RNFT2: variants seen among roughly 807,000 people sequenced by gnomAD.
RNFT2 encodes the protein ring finger protein, transmembrane 2.
Under a neutral mutation model 53.0 loss-of-function variants are expected in RNFT2, and 36 were observed. The ratio of observed to expected loss-of-function variants is 0.68; its 90% confidence interval spans 0.52 to 0.90. The LOEUF is 0.90. Among genes scored for constraint, RNFT2 ranks in the 40% least tolerant of loss-of-function variants. The pLI is 0.00. For missense variants in RNFT2, 514 were observed against 585.6 expected, an observed-to-expected ratio of 0.88 and a Z score of 1.26; for synonymous variants, 260 against 253.2, an observed-to-expected ratio of 1.03 and a Z score of -0.26.
At chr12:116,794,672 A>AGGAAGGGAGGGAGGGAGGGAGGGGGG (rs1555262142) in intron 7 of RNFT2, among the ~76,000 whole-genome samples, 1 of 59,574 alleles carries the variant, frequency 1.7e-5, no homozygotes, top group Non-Finnish European at 2.8e-5. Flanking sequence ...GGGAGGAAGG[A>AGGAAGGGAGGGAGGGAGGGAGGGGGG]AGGGAGGGAG....
At chr12:116,777,399 G>A (rs944192981) in intron 6 of RNFT2, among the ~76,000 whole-genome samples, 2 of 152,152 alleles carry the variant, frequency 1.3e-5, no homozygotes, top group Non-Finnish European at 2.9e-5. Flanking sequence ...TCAAAGTGTT[G>A]TCTCTTCACC....
intron 7 of RNFT2, among the ~76,000 whole-genome samples, chr12:116,818,941 C>T (rs747846958): frequency 2.0e-4 from 31 of 152,182 alleles, no homozygotes; most frequent in Non-Finnish European, 3.5e-4. Flanking sequence ...GTTTGGGGTA[C>T]AGGTAAGGAG....
chr12:116,760,749 G>A (rs764319273), intron 5 of RNFT2, among the ~76,000 whole-genome samples: 149 of 152,232 alleles, frequency 9.8e-4, no homozygotes, highest in Admixed American at 2.4e-3. Flanking sequence ...GGTCCTCTCG[G>A]GATTGCTGGT....
At chr12:116,787,035 G>A (rs58367668) in intron 7 of RNFT2, among the ~76,000 whole-genome samples, 13,579 of 152,176 alleles carry the variant, frequency 0.089, 1,690 homozygotes, top group African/African-American at 0.28. Flanking sequence ...TCCCCATGCC[G>A]ATATCCTTAA....
At chr12:116,756,306 G>GTT (rs376279220) in intron 5 of RNFT2, among the ~76,000 whole-genome samples, 1 of 149,408 alleles carries the variant, frequency 6.7e-6, no homozygotes, top group African/African-American at 2.5e-5. Flanking sequence ...TATTCCTAAG[G>GTT]TTTTTTTTTG....
chr12:116,836,302 G>A lies in RNFT2; in HGVS notation c.1200+20G>A, dbSNP rs1321502123. ...TGCCAGGTGAGCAGGGCTCAGGCGG[G>A]ACCATTGGAGACCAAGGCTGGGGGA... On this transcript the variant is annotated intron_variant, in intron 10 of 10. Transcript: ENST00000257575. 6.5e-7 allele frequency: 1 copy of A among 1,543,692 alleles called. No individual in the cohort carries two copies. Among genetic ancestry groups the A allele is most frequent in the Non-Finnish European group, 8.8e-7 (1 of 1,139,258 alleles).
At chr12:116,828,993 A>G (rs796142751) in intron 7 of RNFT2, among the ~76,000 whole-genome samples, 4 of 151,450 alleles carry the variant, frequency 2.6e-5, no homozygotes, top group African/African-American at 7.3e-5. Context: ...AAAACACACA[A>G]TGTTTTAAGT....
chr12:116,748,428 A>G (rs562641355), intron 3 of RNFT2, among the ~76,000 whole-genome samples: 37 of 152,326 alleles, frequency 2.4e-4, no homozygotes, highest in African/African-American at 8.7e-4. Context: ...CAGGTCTTCC[A>G]TAGGAACTAG....
intron 7 of RNFT2, among the ~76,000 whole-genome samples, chr12:116,829,265 G>A (rs1876508159): frequency 6.6e-6 from 1 of 152,114 alleles, no homozygotes; most frequent in Non-Finnish European, 1.5e-5. Flanking sequence ...CTGTCCATTG[G>A]TCCAGCATCC....
intron 6 of RNFT2, among the ~76,000 whole-genome samples, chr12:116,778,790 C>T (rs1873555674): frequency 1.3e-5 from 2 of 152,190 alleles, no homozygotes; most frequent in African/African-American, 2.4e-5. Flanking sequence ...GTGGAGGTTG[C>T]AGTGAGCCGA....
Position 116,833,825 on chromosome 12 carries a change from C to T in RNFT2, c.916C>T (p.Gln306Ter), listed in dbSNP as rs1396215228. 1 of 1,613,046 alleles carries T rather than the reference C, an allele frequency of 6.2e-7. No individual in the cohort carries two copies. Among genetic ancestry groups the T allele is most frequent in the Non-Finnish European group, 8.5e-7 (1 of 1,179,512 alleles). ...KFYLVIEELS[Q>*]LFRSLVPIQL... The stretch of plus-strand genomic sequence containing the variant: ...CTATCTGGTCATCGAGGAGCTGAGC[C>T]AGCTGTTCCGATCCCTTGTCCCCAT... The change falls in exon 8 of 11, where the codon CAG (glutamine) becomes TAG (stop). Residue 306 changes from glutamine to a stop codon, truncating the protein, a stop_gained. Transcript: ENST00000257575. LOFTEE classifies it high-confidence loss of function.
chr12:116,747,506 A>G (rs1489007308), intron 3 of RNFT2, among the ~76,000 whole-genome samples: 10 of 152,000 alleles, frequency 6.6e-5, no homozygotes. Context: ...CAGCCTGGGC[A>G]ACAGAGTGAG....
At chr12:116,813,832 C>T (rs2137169792) in intron 7 of RNFT2, among the ~76,000 whole-genome samples, 1 of 152,322 alleles carries the variant, frequency 6.6e-6, no homozygotes, top group East Asian at 1.9e-4. Context: ...AGGTTCCATT[C>T]CCAGCTCTTT....
chr12:116,795,654 T>C (rs1444309892), intron 7 of RNFT2, among the ~76,000 whole-genome samples: 1 of 152,166 alleles, frequency 6.6e-6, no homozygotes, highest in African/African-American at 2.4e-5. Context: ...AAAACGCTGT[T>C]CTAGAATGTT....
At chr12:116,785,852 A>G (rs1268576485) in intron 7 of RNFT2, among the ~76,000 whole-genome samples, 10 of 152,110 alleles carry the variant, frequency 6.6e-5, no homozygotes, top group Non-Finnish European at 1.0e-4. Flanking sequence ...AGTTCGAGAC[A>G]AGCCTGGGCA....
At position 116,834,678 on chromosome 12, in the gene RNFT2, G is replaced by A. The variant is rs186130538; in HGVS notation, c.1032+737G>A. Among the ~76,000 whole-genome samples the A allele has an allele frequency of 5.1e-4, 77 of 152,136 alleles. 1 individual carries two copies. Among genetic ancestry groups the A allele is most frequent in the African/African-American group, 1.8e-3 (73 of 41,500 alleles). ...AATCATGTAATAGGTGCCCTTTTGTGTCTGGCACTTTCATTTAACATTGTA... is the reference window on the plus strand; with the variant it reads ...AATCATGTAATAGGTGCCCTTTTGTATCTGGCACTTTCATTTAACATTGTA... On this transcript the variant is annotated intron_variant, in intron 8 of 10. Coordinates refer to ENST00000257575, the MANE Select transcript of RNFT2 (RefSeq NM_001382266.1).
chr12:116,849,402 G>C lies in RNFT2; in HGVS notation c.1289G>C (p.Arg430Pro). Residue 430 changes from arginine to proline, a missense_variant, in exon 11 of 11, where the codon CGC becomes CCC. Physicochemically the swap from Arg to Pro is moderately radical, Grantham distance 103. This residue lies in a region of RNFT2 where 273 missense variants were observed against 334.4 expected (regional missense o/e 0.82). Coordinates refer to ENST00000257575, the MANE Select transcript of RNFT2 (RefSeq NM_001382266.1). Reference sequence around the variant, plus strand: ...CGCTCGGTCGCCGTGGACACCCTGCGCTGCTGGAAGGACGGCGCCACGTCC... The same window carrying C: ...CGCTCGGTCGCCGTGGACACCCTGCCCTGCTGGAAGGACGGCGCCACGTCC... ...LCRSVAVDTL[R>P]CWKDGATSAH... 1 of 1,578,944 alleles carries C rather than the reference G, an allele frequency of 6.3e-7. No individual in the cohort carries two copies. The highest frequency in any genetic ancestry group is 1.2e-5 in the South Asian group (1 of 86,158).
intron 5 of RNFT2, among the ~76,000 whole-genome samples, chr12:116,756,969 T>C (rs1306053733): frequency 7.2e-5 from 11 of 152,084 alleles, no homozygotes; most frequent in Admixed American, 2.0e-4. Flanking sequence ...CTTTTTTTTG[T>C]TGGTAATTTT....
intron 10 of RNFT2, among the ~76,000 whole-genome samples, chr12:116,837,067 T>C (rs772447891): frequency 6.6e-6 from 1 of 152,226 alleles, no homozygotes; most frequent in Non-Finnish European, 1.5e-5. Flanking sequence ...GTCATCTGTA[T>C]AATTATTATT....
Sources: gnomAD v4.1 joint callset for allele counts (sites outside exome capture counted in the v4.1 genomes callset) on GRCh38, gnomAD v4.1.1 for gene constraint, gnomAD v4.1.1 regional missense constraint, MANE v1.5 for transcripts, NCBI Gene and HGNC (gene_info 2026-07-23, HGNC 2026-07-21) for gene names.